The following HERC4 variants were observed in gnomAD, a reference collection of about 807,000 sequenced individuals.
HERC4 encodes the protein probable E3 ubiquitin-protein ligase HERC4.
Under a neutral mutation model 124.3 loss-of-function variants are expected in HERC4, and 28 were observed. The ratio of observed to expected loss-of-function variants is 0.23; its 90% CI spans 0.17 to 0.31. HERC4 has a LOEUF of 0.31. Among genes scored for constraint, HERC4 ranks in the 10% least tolerant of loss-of-function variants. The probability of loss-of-function intolerance (pLI) is 1.00; values close to 1 mark genes in which losing one functional copy is unlikely to be tolerated. For synonymous variants in HERC4, 407 were observed against 421.5 expected (o/e 0.97, Z 0.42); for missense variants, 713 against 1,229.3 (o/e 0.58, Z 6.28).
At chr10:67,998,381 C>T (rs1048316831) in intron 9 of HERC4, among the ~76,000 whole-genome samples, 1 of 151,506 alleles carries the variant, frequency 6.6e-6, no homozygotes, top group African/African-American at 2.4e-5. Flanking sequence ...AACCCCATCT[C>T]TACTAAAAAT....
At chr10:67,930,637 T>C (rs1026351686) in intron 23 of HERC4, among the ~76,000 whole-genome samples, 3 of 152,176 alleles carry the variant, frequency 2.0e-5, no homozygotes, top group Admixed American at 6.5e-5. Context: ...TCTTAATAGG[T>C]ATACAGTATC....
At chr10:68,017,103 G>A (rs982203569) in intron 8 of HERC4, among the ~76,000 whole-genome samples, 4 of 152,042 alleles carry the variant, frequency 2.6e-5, no homozygotes, top group Non-Finnish European at 5.9e-5. Context: ...TTTGGTCAAC[G>A]AGATTTCAGT....
intron 3 of HERC4, among the ~76,000 whole-genome samples, chr10:68,061,611 G>A (rs1296737843): frequency 6.6e-6 from 1 of 150,578 alleles, no homozygotes; most frequent in Non-Finnish European, 1.5e-5. Context: ...GGGATCAGTG[G>A]CTCACGCCTG....
chr10:68,009,091 G>A (rs1266622395), intron 9 of HERC4, among the ~76,000 whole-genome samples: 3 of 151,950 alleles, frequency 2.0e-5, no homozygotes, highest in African/African-American at 7.3e-5. Flanking sequence ...AGGTGTGGTG[G>A]TGCGCACCTG....
chr10:67,948,633 A>G (rs965186820), intron 19 of HERC4, among the ~76,000 whole-genome samples: 6 of 152,176 alleles, frequency 3.9e-5, no homozygotes, highest in Non-Finnish European at 8.8e-5. Context: ...TAAAGAACTA[A>G]AAGTAGGCCA....
rs2036595832 is a variant in HERC4 at position 67,992,312 on chromosome 10, T to C, written c.1158A>G (p.Pro386=). 6.2e-7 allele frequency: 1 copy of C among 1,613,774 alleles called. No individual in the cohort carries two copies. Among genetic ancestry groups the C allele is most frequent in the East Asian group, 2.2e-5 (1 of 44,866 alleles). Residue 386 remains proline (P), a synonymous_variant, in exon 11 of 25, where the codon CCA becomes CCG. Transcript: ENST00000373700. ...SHYSSPQNCG[P]PDDFRCPNPT... is the part of the protein sequence containing the mutation. ...GATTGGGACATCTGAAGTCATCTGG[T>C]GGCCCACAGTTCTAAATTTTCAAAT... is the stretch of plus-strand genomic sequence containing the variant.
chr10:67,975,255 G>T (rs529096764), intron 15 of HERC4, among the ~76,000 whole-genome samples: 1 of 151,894 alleles, frequency 6.6e-6, no homozygotes, highest in Non-Finnish European at 1.5e-5. Flanking sequence ...CATTAAAGTG[G>T]ACTTCATGTA....
intron 3 of HERC4, among the ~76,000 whole-genome samples, chr10:68,060,261 C>T (rs1281677815): frequency 6.6e-6 from 1 of 152,010 alleles, no homozygotes; most frequent in Non-Finnish European, 1.5e-5. Context: ...CTTGCTGTGT[C>T]ACCCAGACTG....
chr10:67,991,068 A>G, intron 12 of HERC4, 53 bp from the exon 13 acceptor site: 2 of 1,363,434 alleles, frequency 1.5e-6, no homozygotes, highest in Non-Finnish European at 9.8e-7. Flanking sequence ...AAATTATTTC[A>G]TTTTTTAATT....
intron 16 of HERC4, chr10:67,959,004 T>C (rs1432051540): frequency 2.8e-6 from 2 of 721,014 alleles, no homozygotes; most frequent in African/African-American, 3.7e-5. Context: ...TATCTATTTA[T>C]TTACATTTTT....
chr10:67,963,598 T>C (rs2034663279), intron 16 of HERC4, among the ~76,000 whole-genome samples: 1 of 152,184 alleles, frequency 6.6e-6, no homozygotes, highest in Non-Finnish European at 1.5e-5. Flanking sequence ...GTTTAATGTG[T>C]GTATATATTT....
At chr10:67,959,056 C>G in intron 16 of HERC4, 2 of 1,434,462 alleles carry the variant, frequency 1.4e-6, no homozygotes, top group South Asian at 1.3e-5. Context: ...TTCTATTACT[C>G]AGGAGAAAAT....
intron 15 of HERC4, among the ~76,000 whole-genome samples, chr10:67,967,021 A>ATT (rs1420647176): frequency 1.2e-4 from 18 of 152,092 alleles, no homozygotes; most frequent in African/African-American, 4.3e-4. Context: ...TGACCGGCTA[A>ATT]TTTTTTGTAT....
At chr10:67,940,308 T>G (rs886741452) in intron 20 of HERC4, among the ~76,000 whole-genome samples, 1 of 152,192 alleles carries the variant, frequency 6.6e-6, no homozygotes, top group Non-Finnish European at 1.5e-5. Context: ...GGAATGAAGG[T>G]TATCAGAAGT....
intron 8 of HERC4, among the ~76,000 whole-genome samples, chr10:68,022,704 C>T (rs1179451403): frequency 6.6e-6 from 1 of 151,752 alleles, no homozygotes; most frequent in South Asian, 2.1e-4. Flanking sequence ...GGACTTTATA[C>T]AATTTTAAAG....
At chr10:68,045,693 T>C (rs1442182318) in intron 3 of HERC4, among the ~76,000 whole-genome samples, 3 of 152,228 alleles carry the variant, frequency 2.0e-5, no homozygotes, top group Admixed American at 6.5e-5. Flanking sequence ...TTTTAAAAGA[T>C]ACCATTTAAA....
Position 67,945,626 on chromosome 10 carries a change from AAT to A in HERC4, c.2338-4523_2338-4522del, listed in dbSNP as rs928099767. ...AAGACTAAAACATGAACCAATAAAA[AAT>A]AATAACTACAGCTACAAGACATAGT... On this transcript the variant is annotated intron_variant, in intron 19 of 24. Transcript: ENST00000373700. Among the ~76,000 whole-genome samples, 53 of 151,742 alleles carry A rather than the reference AAT, an allele frequency of 3.5e-4. 1 individual carries two copies. The highest frequency in any genetic ancestry group is 1.5e-3 in the South Asian group (7 of 4,792).
rs1564609895 is a variant in HERC4, at chr10:68,059,843, TA to T, written c.226+13039del. 7.6e-5 allele frequency among the ~76,000 whole-genome samples: 2 copies of T among 26,310 alleles called. 1 individual carries two copies. Among genetic ancestry groups the T allele is most frequent in the African/African-American group, 8.6e-4 (2 of 2,316 alleles). The allele number at this position is 26,310 out of a possible 152,430, so 17.3% of individuals were successfully genotyped here. On this transcript the variant is annotated intron_variant, in intron 3 of 24. Transcript: ENST00000373700. ...TATATCATAATATTATATATTATAA[TA>T]TATTATATATCATAATATTATATAT... is the stretch of plus-strand genomic sequence containing the variant.
At chr10:67,941,672 T>A (rs1444151563) in intron 19 of HERC4, among the ~76,000 whole-genome samples, 5 of 117,592 alleles carry the variant, frequency 4.3e-5, no homozygotes, top group Non-Finnish European at 6.5e-5. Flanking sequence ...AACACAACTT[T>A]TTTTTTTTTT....
Sources: allele counts gnomAD v4.1 joint callset (sites outside exome capture counted in the v4.1 genomes callset), GRCh38; gene constraint gnomAD v4.1.1; transcripts MANE v1.5; gene names NCBI Gene and HGNC (gene_info 2026-07-23, HGNC 2026-07-21).